TXLNB: variants seen among roughly 807,000 people sequenced by gnomAD.
TXLNB encodes taxilin beta.
A neutral mutation model predicts 57.4 loss-of-function variants in TXLNB; 37 were observed. That is an observed-to-expected ratio of 0.64 (90% CI 0.50 to 0.85). TXLNB has a LOEUF of 0.85. TXLNB is among the 40% of genes least tolerant of loss of function. The pLI is 0.00. For missense variants in TXLNB, 848 were observed against 825.6 expected (o/e 1.03, Z -0.33); for synonymous variants, 302 against 309.6 (o/e 0.98, Z 0.26).
Position 139,243,264 on chromosome 6 carries a change from C to T in TXLNB, c.1317G>A (p.Arg439=). 6.2e-7 allele frequency: 1 copy of T among 1,613,504 alleles called. No individual in the cohort carries two copies. The highest frequency in any genetic ancestry group is 1.1e-5 in the South Asian group (1 of 91,076). The change falls in exon 10 of 10, where the codon AGG becomes AGA. Residue 439 remains arginine (R), a synonymous_variant. Transcript: ENST00000358430. ...EYECFVMKIG[R]LENLCRALQE... is the part of the protein sequence containing the mutation. ...GTAAAGCACGGCAGAGGTTCTCTAG[C>T]CTCCCGATTTTCATCACAAAGCACT...
intron 2 of TXLNB, among the ~76,000 whole-genome samples, chr6:139,279,292 TTTTG>T (rs970270095): frequency 2.4e-4 from 36 of 151,610 alleles, no homozygotes; most frequent in African/African-American, 8.5e-4. Flanking sequence ...TTCTTTTTGG[TTTTG>T]TTTGTTTTGT....
chr6:139,174,118 A>C, the TXLNB span, among the ~76,000 whole-genome samples: 1 of 152,198 alleles, frequency 6.6e-6, no homozygotes, highest in Non-Finnish European at 1.5e-5. Context: ...CCCATTATGT[A>C]AGCCCAGCAG....
chr6:139,248,724 C>T (rs1320439865), intron 7 of TXLNB, among the ~76,000 whole-genome samples: 1 of 152,104 alleles, frequency 6.6e-6, no homozygotes, highest in East Asian at 1.9e-4. Context: ...AGTGGGTGAT[C>T]GGAGAAGGTG....
intron 8 of TXLNB, among the ~76,000 whole-genome samples, chr6:139,247,606 GA>G (rs1374054289): frequency 8.0e-6 from 1 of 124,556 alleles, no homozygotes; most frequent in Non-Finnish European, 1.6e-5. Context: ...GAGTGAAAAT[GA>G]AACCTAGAAT....
Position 139,278,805 on chromosome 6 carries a change from A to G in TXLNB, c.425-1884T>C, listed in dbSNP as rs566308870. 9.2e-5 allele frequency among the ~76,000 whole-genome samples: 14 copies of G among 152,324 alleles called. 1 individual carries two copies. Among genetic ancestry groups the G allele is most frequent in the African/African-American group, 3.4e-4 (14 of 41,576 alleles). On this transcript the variant is annotated intron_variant, in intron 2 of 9. Transcript: ENST00000358430. ...CGGATCACGAGGTCAGGAGATCAAGACCATCCTGGCCAACATGGTGAAACC... is the reference window on the plus strand; with the variant it reads ...CGGATCACGAGGTCAGGAGATCAAGGCCATCCTGGCCAACATGGTGAAACC...
At chr6:139,232,834 C>T in the TXLNB span, among the ~76,000 whole-genome samples, 1 of 152,108 alleles carries the variant, frequency 6.6e-6, no homozygotes, top group Non-Finnish European at 1.5e-5. Context: ...TTACCACATT[C>T]GTATTTTTCC....
At chr6:139,234,273 T>A in the TXLNB span, 2 of 152,188 alleles carry the variant, frequency 1.3e-5, no homozygotes, top group Admixed American at 6.5e-5. Flanking sequence ...CTCCAGAAAT[T>A]TGCATAAGTA....
chr6:139,257,380 C>G (rs1435457163), intron 6 of TXLNB, among the ~76,000 whole-genome samples: 2 of 152,134 alleles, frequency 1.3e-5, no homozygotes, highest in African/African-American at 4.8e-5. Flanking sequence ...ATAATTTGCA[C>G]AAACAGTTTT....
chr6:139,319,909 C>T, the TXLNB span, among the ~76,000 whole-genome samples: 9 of 151,924 alleles, frequency 5.9e-5, no homozygotes, highest in Non-Finnish European at 1.0e-4. Context: ...TAGCAATACA[C>T]AGCATAGTGA....
At chr6:139,323,525 C>T in the TXLNB span, among the ~76,000 whole-genome samples, 3 of 152,124 alleles carry the variant, frequency 2.0e-5, no homozygotes, top group South Asian at 4.1e-4. Flanking sequence ...CCTCGTGATC[C>T]GCCCGCCTCG....
chr6:139,291,151 C>T (rs188404205), intron 1 of TXLNB, among the ~76,000 whole-genome samples: 8 of 152,328 alleles, frequency 5.3e-5, no homozygotes, highest in Admixed American at 1.3e-4. Context: ...GAAAGACACA[C>T]GGCACCTGCT....
intron 4 of TXLNB, among the ~76,000 whole-genome samples, chr6:139,265,261 C>A (rs1325062140): frequency 6.6e-6 from 1 of 152,188 alleles, no homozygotes; most frequent in East Asian, 1.9e-4. Context: ...TTAGGAAAAT[C>A]ATGCTCCCTG....
rs796863153 is a variant in TXLNB at position 139,264,723 on chromosome 6, C to T, written c.688-1950G>A. On this transcript the variant is annotated intron_variant, in intron 4 of 9. Coordinates refer to ENST00000358430, the MANE Select transcript of TXLNB (RefSeq NM_153235.4). ...TACAGGCACGCATCACCAAGCTCAG[C>T]TAATTTTTTTATTTTTAGTAGAGAC... is the stretch of plus-strand genomic sequence containing the variant. Among the ~76,000 whole-genome samples the T allele has an allele frequency of 4.6e-5, 7 of 152,156 alleles. 1 individual carries two copies. The highest frequency in any genetic ancestry group is 1.7e-4 in the African/African-American group (7 of 41,508).
the TXLNB span, among the ~76,000 whole-genome samples, chr6:139,190,628 A>G: frequency 6.6e-6 from 1 of 150,628 alleles, no homozygotes; most frequent in Non-Finnish European, 1.5e-5. Flanking sequence ...TTTCTTATAG[A>G]TGATGTCTTC....
the TXLNB span, chr6:139,234,658 T>C: frequency 6.6e-6 from 1 of 152,298 alleles, no homozygotes; most frequent in Non-Finnish European, 1.5e-5. Context: ...GATTTCCAGA[T>C]AGGAATTTGC....
the TXLNB span, among the ~76,000 whole-genome samples, chr6:139,306,559 C>A: frequency 6.6e-6 from 1 of 152,226 alleles, no homozygotes; most frequent in South Asian, 2.1e-4. Context: ...TAAGATATTT[C>A]AATCCACTTC....
chr6:139,293,342 G>A (rs992189054), upstream of TXLNB, among the ~76,000 whole-genome samples: 4 of 151,942 alleles, frequency 2.6e-5, no homozygotes, highest in Non-Finnish European at 5.9e-5. Context: ...CGCCCACCTC[G>A]GCCTCCCAAA....
Position 139,270,479 on chromosome 6 carries a change from G to C in TXLNB, c.664C>G (p.Gln222Glu). ...SKLESLCREL[Q>E]RHNKTLKEEA... ...ACCTTCAGAGTCTTGTTGTGTCTCT[G>C]CAGCTCCCGGCACAGACTCTCCAAT... is the stretch of plus-strand genomic sequence containing the variant. The change falls in exon 4 of 10, where the codon CAG becomes GAG. Residue 222 changes from glutamine to glutamate, a missense_variant. Gln to Glu is a conservative substitution (Grantham distance 29). Transcript: ENST00000358430. 3.1e-6 allele frequency: 5 copies of C among 1,614,042 alleles called. No homozygotes were observed. The highest frequency in any genetic ancestry group is 4.2e-6 in the Non-Finnish European group (5 of 1,179,988).
At chr6:139,302,748 CCCT>C in the TXLNB span, among the ~76,000 whole-genome samples, 4,721 of 151,780 alleles carry the variant, frequency 0.031, 116 homozygotes, top group East Asian at 0.094. Flanking sequence ...CGCACCATTG[CCCT>C]CCAGCTTGGG....
Sources: gnomAD v4.1 joint callset for allele counts (sites outside exome capture counted in the v4.1 genomes callset) on GRCh38, gnomAD v4.1.1 for gene constraint, MANE v1.5 for transcripts, NCBI Gene and HGNC (gene_info 2026-07-23, HGNC 2026-07-21) for gene names.